The following STK33 variants were observed in gnomAD, a reference collection of about 807,000 sequenced individuals.
STK33 encodes serine/threonine kinase 33, also known as serine/threonine-protein kinase 33.
In STK33, 52 loss-of-function variants were observed where a neutral mutation model predicts 58.0. The observed-to-expected ratio is 0.90, with a 90% CI of 0.72 to 1.13. The LOEUF (loss-of-function observed/expected upper bound fraction) is 1.13, where lower values mean the gene tolerates loss of function less well. Among genes scored for constraint, STK33 ranks in the 50% most tolerant of loss-of-function variants. STK33 has a pLI of 0.00. For synonymous variants in STK33, 215 were observed against 200.1 expected (o/e 1.07, Z -0.63); for missense variants, 630 against 604.2 (o/e 1.04, Z -0.45).
chr11:8,495,191 A>C (rs1950961225), intron 1 of STK33, among the ~76,000 whole-genome samples: 1 of 152,180 alleles, frequency 6.6e-6, no homozygotes, highest in African/African-American at 2.4e-5. Flanking sequence ...TTTACAATCT[A>C]CCCATCTGAC....
intron 1 of STK33, among the ~76,000 whole-genome samples, chr11:8,502,342 A>G (rs1249324575): frequency 6.6e-6 from 1 of 152,146 alleles, no homozygotes; most frequent in Non-Finnish European, 1.5e-5. Context: ...TGCACCTACC[A>G]GCATCAAATC....
chr11:8,417,564 G>A (rs1034732702), intron 14 of STK33, among the ~76,000 whole-genome samples: 14 of 152,060 alleles, frequency 9.2e-5, no homozygotes, highest in African/African-American at 2.9e-4. Flanking sequence ...CCAAATCGGC[G>A]AAGCTAAAGG....
intron 15 of STK33, among the ~76,000 whole-genome samples, chr11:8,402,965 A>G (rs551903483): frequency 1.6e-4 from 25 of 152,378 alleles, no homozygotes; most frequent in African/African-American, 6.0e-4. Context: ...GTAATAGAAC[A>G]GAGAAATGAA....
chr11:8,507,639 T>C (rs1487397923), intron 1 of STK33, among the ~76,000 whole-genome samples: 2 of 152,066 alleles, frequency 1.3e-5, no homozygotes, highest in Non-Finnish European at 2.9e-5. Context: ...GGGGTACACT[T>C]AAAGGCACCC....
Position 8,461,894 on chromosome 11 carries a change from CA to C in STK33, c.468del (p.Val157Ter), listed in dbSNP as rs763895098. 1.3e-6 allele frequency: 2 copies of C among 1,594,262 alleles called. No individual in the cohort carries two copies. The highest frequency in any genetic ancestry group is 1.7e-6 in the Non-Finnish European group (2 of 1,171,720). On this transcript the variant is annotated frameshift_variant, in exon 8 of 16. Transcript: ENST00000687296. LOFTEE classifies it high-confidence loss of function. Reference protein sequence around the residue: ...KVNKEKAGSSAVKLLEREVNI... With the variant: ...KVNKEKAGSSXVKLLEREVNI... ...TTCACCTCTCGTTCAAGTAACTTCA[CA>C]GCAGAGCTTCCAGCCTTAATCAATG... is the stretch of plus-strand genomic sequence containing the variant.
the STK33 span, among the ~76,000 whole-genome samples, chr11:8,380,075 T>C: frequency 6.6e-6 from 1 of 152,220 alleles, no homozygotes; most frequent in Non-Finnish European, 1.5e-5. Context: ...TTGTGAATAA[T>C]CCTGCAATGA....
intron 14 of STK33, among the ~76,000 whole-genome samples, chr11:8,417,529 T>G (rs141285992): frequency 6.6e-6 from 1 of 152,116 alleles, no homozygotes. Flanking sequence ...ATAATACATA[T>G]GAGCTGGGGT....
chr11:8,478,291 T>C (rs1478829756), intron 2 of STK33, among the ~76,000 whole-genome samples: 1 of 152,162 alleles, frequency 6.6e-6, no homozygotes, highest in Non-Finnish European at 1.5e-5. Context: ...AACAGGACTT[T>C]AGATATAAAA....
Position 8,464,812 on chromosome 11 carries a change from G to A in STK33, c.350C>T (p.Thr117Ile). The change falls in exon 7 of 16, where the codon ACC (threonine) becomes ATC (isoleucine). Residue 117 changes from threonine to isoleucine, a missense_variant. Coordinates refer to ENST00000687296, the MANE Select transcript of STK33 (RefSeq NM_001352389.2). Reference protein sequence around the residue: ...ENGAAIEEIYTFGRILGKGSF... With the variant: ...ENGAAIEEIYIFGRILGKGSF... ...CCCTTTTCCCAATATTCTTCCAAAG[G>A]TATAGATTTCCTGGAGAAAAAAAAA... 4 of 1,582,562 alleles carry A rather than the reference G, an allele frequency of 2.5e-6. No individual in the cohort carries two copies. The highest frequency in any genetic ancestry group is 3.5e-6 in the Non-Finnish European group (4 of 1,159,154).
At chr11:8,453,031 T>A in intron 10 of STK33, 125 bp from the exon 11 acceptor site, 1 of 805,764 alleles carries the variant, frequency 1.2e-6, no homozygotes, top group Non-Finnish European at 2.1e-6. Flanking sequence ...AGGACTTTAA[T>A]TGAATCATTA....
At chr11:8,354,474 T>TCTCACACACACACACACACACACACA in the STK33 span, among the ~76,000 whole-genome samples, 1 of 124,680 alleles carries the variant, frequency 8.0e-6, no homozygotes, top group Non-Finnish European at 1.6e-5. Context: ...CTGCAAAACC[T>TCTCACACACACACACACACACACACA]CACACACACA....
chr11:8,389,569 T>G (rs1439354307), downstream of STK33, among the ~76,000 whole-genome samples: 1 of 152,166 alleles, frequency 6.6e-6, no homozygotes, highest in Non-Finnish European at 1.5e-5. Flanking sequence ...CTGGCCAATT[T>G]CAAAGCTCTG....
At chr11:8,393,462 G>A (rs1381187406) in intron 15 of STK33, among the ~76,000 whole-genome samples, 1 of 152,190 alleles carries the variant, frequency 6.6e-6, no homozygotes. Flanking sequence ...GGTCTGTTTT[G>A]ACGTTAGGCC....
At chr11:8,486,550 T>C (rs528533978) in intron 1 of STK33, among the ~76,000 whole-genome samples, 3 of 152,340 alleles carry the variant, frequency 2.0e-5, no homozygotes, top group African/African-American at 7.2e-5. Context: ...ACACTTACTA[T>C]ATCATACTCT....
intron 14 of STK33, among the ~76,000 whole-genome samples, chr11:8,415,096 T>C (rs952267042): frequency 2.6e-5 from 4 of 152,070 alleles, no homozygotes; most frequent in African/African-American, 9.7e-5. Flanking sequence ...TTACAACTTC[T>C]TGGCTTCATC....
intron 1 of STK33, among the ~76,000 whole-genome samples, chr11:8,545,198 A>C (rs909621605): frequency 2.6e-5 from 4 of 152,196 alleles, no homozygotes; most frequent in Non-Finnish European, 4.4e-5. Flanking sequence ...TGGAAAACTC[A>C]AAACAATCAA....
In STK33 at chr11:8,523,273, C is replaced by A. The variant is rs181838781; in HGVS notation, c.-465-42659G>T. ...CGCCCATCATCTGGGATGTGAGGAG[C>A]CCCTCTGCCCAGCCGCCCAGTCTGG... On this transcript the variant is annotated intron_variant, in intron 1 of 15. Coordinates refer to ENST00000687296, the MANE Select transcript of STK33 (RefSeq NM_001352389.2). Among the ~76,000 whole-genome samples the A allele has an allele frequency of 6.9e-3, 1,044 of 151,348 alleles. 10 individuals carry two copies. Among genetic ancestry groups the A allele is most frequent in the African/African-American group, 0.023 (949 of 41,226 alleles).
rs547034515 is a variant in STK33, at chr11:8,563,947, G to A, written c.-466+30136C>T. ...GGCTGAACTGTGGGGAAAAAAAAGA[G>A]CTACATTGCTGTCAGTCAAAGATGG... On this transcript the variant is annotated intron_variant, in intron 1 of 15. Transcript: ENST00000687296. 3.9e-5 allele frequency among the ~76,000 whole-genome samples: 6 copies of A among 152,100 alleles called. No homozygotes were observed. The East Asian group carries it at 1.2e-3, about 29-fold the overall frequency.
chr11:8,439,244 T>C (rs1030907121), intron 12 of STK33, among the ~76,000 whole-genome samples: 2 of 152,126 alleles, frequency 1.3e-5, no homozygotes, highest in East Asian at 1.9e-4. Context: ...ATACCAGGAA[T>C]GCAAAGATGA....
Sources: allele counts gnomAD v4.1 joint callset (sites outside exome capture counted in the v4.1 genomes callset), GRCh38; gene constraint gnomAD v4.1.1; transcripts MANE v1.5; gene names NCBI Gene and HGNC (gene_info 2026-07-23, HGNC 2026-07-21).